DIAPH2: variants seen among roughly 807,000 people sequenced by gnomAD.
The protein encoded by DIAPH2 is diaphanous related formin 2.
Under a neutral mutation model 92.7 loss-of-function variants are expected in DIAPH2, and 35 were observed. That is an observed-to-expected ratio of 0.38 (90% CI 0.29 to 0.50). The LOEUF is 0.50. DIAPH2 is among the 20% of genes least tolerant of loss of function. The pLI, the probability that DIAPH2 is intolerant of heterozygous loss-of-function variation, is 0.94. For synonymous variants in DIAPH2, 301 were observed against 280.4 expected (o/e 1.07, Z -0.73); for missense variants, 701 against 819.5 (o/e 0.86, Z 1.77).
At chrX:96,813,172 C>A (rs933271462) in intron 4 of DIAPH2, among the ~76,000 whole-genome samples, 10 of 111,054 alleles carry the variant, frequency 9.0e-5, no homozygotes, top group African/African-American at 3.3e-4. Context: ...CTTTGTAAGT[C>A]TCTGAGGACT....
intron 23 of DIAPH2, among the ~76,000 whole-genome samples, chrX:97,282,188 C>G (rs149835866): frequency 0.013 from 1,442 of 111,774 alleles, 17 homozygotes; most frequent in African/African-American, 0.045. Flanking sequence ...CAGAAGGCAC[C>G]TATGTTTTGT....
At chrX:97,495,185 T>C (rs995640064) in intron 26 of DIAPH2, among the ~76,000 whole-genome samples, 1 of 112,063 alleles carries the variant, frequency 8.9e-6, no homozygotes, top group Non-Finnish European at 1.9e-5. Context: ...TGCTCCTTAC[T>C]CATTTCAGTA....
intron 26 of DIAPH2, among the ~76,000 whole-genome samples, chrX:97,554,397 C>T (rs1206442011): frequency 8.9e-6 from 1 of 112,295 alleles, no homozygotes; most frequent in Non-Finnish European, 1.9e-5. Flanking sequence ...TTATGCTTAA[C>T]TCATTGTTAA....
At chrX:97,090,399 C>A (rs2147352418) in intron 19 of DIAPH2, among the ~76,000 whole-genome samples, 1 of 104,009 alleles carries the variant, frequency 9.6e-6, no homozygotes, top group African/African-American at 3.5e-5. Context: ...CAGGCCACCG[C>A]TGCCCGCCAC....
chrX:96,915,304 G>A (rs781359839), intron 7 of DIAPH2, among the ~76,000 whole-genome samples: 9 of 110,595 alleles, frequency 8.1e-5, no homozygotes, highest in Non-Finnish European at 1.7e-4. Flanking sequence ...TTTTGCAAAT[G>A]TGTTTTTCAC....
At chrX:97,457,089 C>T (rs377690097) in intron 26 of DIAPH2, among the ~76,000 whole-genome samples, 22 of 111,745 alleles carry the variant, frequency 2.0e-4, no homozygotes, top group African/African-American at 5.9e-4. Context: ...GGCACTATCT[C>T]GGCTCACTGT....
intron 17 of DIAPH2, among the ~76,000 whole-genome samples, chrX:96,974,154 T>C (rs1166194082): frequency 1.8e-5 from 2 of 111,927 alleles, no homozygotes; most frequent in East Asian, 2.8e-4. Flanking sequence ...ATTTAATTTA[T>C]TAATAAGGAG....
At chrX:97,146,281 G>C (rs896203458) in intron 22 of DIAPH2, among the ~76,000 whole-genome samples, 10 of 108,323 alleles carry the variant, frequency 9.2e-5, no homozygotes, top group Non-Finnish European at 1.3e-4. Flanking sequence ...TTTATTTGAT[G>C]ATGGACTATC....
intron 17 of DIAPH2, among the ~76,000 whole-genome samples, chrX:96,989,042 TCTTTTGGATCTTCTACTAAATGG>T (rs2066050475): frequency 9.0e-6 from 1 of 111,350 alleles, no homozygotes; most frequent in African/African-American, 3.3e-5. Context: ...GACCTTCATT[TCTTTTGGATCTTCTACTAAATGG>T]CTTTAAAGCA....
intron 3 of DIAPH2, among the ~76,000 whole-genome samples, chrX:96,744,558 G>A (rs2064138402): frequency 8.9e-6 from 1 of 112,038 alleles, no homozygotes; most frequent in South Asian, 3.7e-4. Flanking sequence ...CATTAGAGTG[G>A]TAGGTAAAGC....
intron 22 of DIAPH2, among the ~76,000 whole-genome samples, chrX:97,225,985 A>G (rs1458324471): frequency 1.8e-5 from 2 of 111,779 alleles, no homozygotes; most frequent in African/African-American, 6.5e-5. Context: ...GCTGCTCTAG[A>G]GGAACTTACA....
chrX:97,013,775 C>T (rs1278556561), intron 17 of DIAPH2, among the ~76,000 whole-genome samples: 3 of 112,170 alleles, frequency 2.7e-5, no homozygotes, highest in Non-Finnish European at 5.6e-5. Context: ...GATAACAAAT[C>T]TGGCACCTGG....
intron 23 of DIAPH2, among the ~76,000 whole-genome samples, chrX:97,273,618 G>A (rs779710210): frequency 1.8e-5 from 2 of 112,090 alleles, no homozygotes; most frequent in South Asian, 7.5e-4. Context: ...GTGTAAAACA[G>A]GTTTGGATAC....
At chrX:96,940,496 A>C (rs1348217579) in intron 12 of DIAPH2, among the ~76,000 whole-genome samples, 1 of 111,617 alleles carries the variant, frequency 9.0e-6, no homozygotes, top group Non-Finnish European at 1.9e-5. Context: ...ATTTGCGTGA[A>C]ATTCTGACAA....
chrX:96,819,687 G>C (rs2064764885), intron 4 of DIAPH2, among the ~76,000 whole-genome samples: 1 of 112,472 alleles, frequency 8.9e-6, no homozygotes, highest in Non-Finnish European at 1.9e-5. Flanking sequence ...TCTATTTGTA[G>C]TCTGTGTTTC....
Position 97,187,281 on chromosome X carries a change from C to CTTTTTTTTTTTTTTTTTTTTT in DIAPH2, c.2719+45490_2719+45510dup, listed in dbSNP as rs763781923. 8.1e-5 allele frequency among the ~76,000 whole-genome samples: 3 copies of CTTTTTTTTTTTTTTTTTTTTT among 36,883 alleles called. 1 individual carries two copies. Among genetic ancestry groups the CTTTTTTTTTTTTTTTTTTTTT allele is most frequent in the African/African-American group, 3.1e-4 (3 of 9,669 alleles). The allele number at this position is 36,883 out of a possible 115,157, so 32.0% of individuals were successfully genotyped here. A position where few individuals can be genotyped will look rare whatever the true frequency, so the allele number is the denominator to read the frequency against. ...AGGGATTGAAGACTAATTAAGTAGCCTTTTTTTTTTTTTTTTTTTTTTTGC... is the reference window on the plus strand; with the variant it reads ...AGGGATTGAAGACTAATTAAGTAGCCTTTTTTTTTTTTTTTTTTTTTTTTTTTTTTTTTTTTTTTTTTTTGC... On this transcript the variant is annotated intron_variant, in intron 22 of 26. Coordinates refer to ENST00000324765, the MANE Select transcript of DIAPH2 (RefSeq NM_006729.5).
At chrX:96,717,858 A>ATT (rs1855830112) in intron 1 of DIAPH2, among the ~76,000 whole-genome samples, 1 of 75,868 alleles carries the variant, frequency 1.3e-5, no homozygotes, top group African/African-American at 5.0e-5. Context: ...ATATATATAT[A>ATT]TTCACATGAG....
chrX:96,952,158 A>G (rs1480586867), intron 15 of DIAPH2, among the ~76,000 whole-genome samples: 4 of 111,886 alleles, frequency 3.6e-5, no homozygotes, highest in Admixed American at 2.9e-4. Context: ...TCAAAGTAAA[A>G]TTAAAATAAT....
chrX:96,701,946 G>A (rs994788284), intron 1 of DIAPH2, among the ~76,000 whole-genome samples: 2 of 111,492 alleles, frequency 1.8e-5, no homozygotes, highest in African/African-American at 6.5e-5. Context: ...TATGGGAAAC[G>A]AGTCTCAGAG....
Sources: allele counts gnomAD v4.1 joint callset (sites outside exome capture counted in the v4.1 genomes callset), GRCh38; gene constraint gnomAD v4.1.1; transcripts MANE v1.5; gene names NCBI Gene and HGNC (gene_info 2026-07-23, HGNC 2026-07-21).